The following MACROD2 variants were observed in gnomAD, a reference collection of about 807,000 sequenced individuals.
MACROD2 encodes ADP-ribose glycohydrolase MACROD2.
A neutral mutation model predicts 70.4 loss-of-function variants in MACROD2; 36 were observed. The ratio of observed to expected loss-of-function variants is 0.51; its 90% CI spans 0.39 to 0.68. The LOEUF (loss-of-function observed/expected upper bound fraction) is 0.68. MACROD2 is among the 30% of genes least tolerant of loss of function. MACROD2 has a pLI of 0.00. For missense variants in MACROD2, 496 were observed against 538.4 expected, an observed-to-expected ratio of 0.92 and a Z score of 0.78; for synonymous variants, 172 against 178.8, an observed-to-expected ratio of 0.96 and a Z score of 0.30.
intron 5 of MACROD2, among the ~76,000 whole-genome samples, chr20:14,980,175 G>A (rs1209208723): frequency 2.6e-5 from 4 of 151,972 alleles, no homozygotes; most frequent in African/African-American, 2.4e-5. Context: ...TGAGAGATGG[G>A]GCCTTAAAAA....
intron 6 of MACROD2, among the ~76,000 whole-genome samples, chr20:15,398,360 G>A (rs1243265932): frequency 6.6e-6 from 1 of 152,158 alleles, no homozygotes; most frequent in Non-Finnish European, 1.5e-5. Flanking sequence ...TTATTAAGTA[G>A]TTTAGCTGGA....
chr20:15,518,072 G>A (rs1287983908), intron 8 of MACROD2, among the ~76,000 whole-genome samples: 1 of 152,260 alleles, frequency 6.6e-6, no homozygotes, highest in Admixed American at 6.5e-5. Context: ...GAGAGAACTT[G>A]CAGCATACAA....
At chr20:14,718,122 G>A (rs903062260) in intron 5 of MACROD2, among the ~76,000 whole-genome samples, 2 of 151,256 alleles carry the variant, frequency 1.3e-5, no homozygotes, top group Non-Finnish European at 2.9e-5. Context: ...GTGAAACCCC[G>A]TCTCTACAAA....
At chr20:14,920,515 G>A (rs2074148833) in intron 5 of MACROD2, among the ~76,000 whole-genome samples, 2 of 152,084 alleles carry the variant, frequency 1.3e-5, no homozygotes, top group Non-Finnish European at 1.5e-5. Flanking sequence ...TTTGAAGTGT[G>A]ATTTCTTTGC....
At chr20:15,554,621 T>TGCTTAGGA (rs1259528474) in intron 8 of MACROD2, among the ~76,000 whole-genome samples, 1 of 152,152 alleles carries the variant, frequency 6.6e-6, no homozygotes, top group Non-Finnish European at 1.5e-5. Flanking sequence ...ATAACTTGTA[T>TGCTTAGGA]GCTTAGGACT....
At chr20:16,004,527 T>C (rs984611220) in intron 15 of MACROD2, among the ~76,000 whole-genome samples, 1 of 152,232 alleles carries the variant, frequency 6.6e-6, no homozygotes, top group African/African-American at 2.4e-5. Flanking sequence ...TGAGGTCTGA[T>C]GGGAGTGGGT....
chr20:15,207,441 T>G (rs2076720156), intron 5 of MACROD2, among the ~76,000 whole-genome samples: 1 of 132,384 alleles, frequency 7.6e-6, no homozygotes, highest in Admixed American at 7.6e-5. Context: ...TTCTGGTTTT[T>G]TTTTTTTTTT....
chr20:14,946,858 T>G (rs1466960930), intron 5 of MACROD2, among the ~76,000 whole-genome samples: 6 of 152,186 alleles, frequency 3.9e-5, no homozygotes, highest in African/African-American at 1.2e-4. Flanking sequence ...AAGAAGTAGA[T>G]TCAATTTTGT....
chr20:15,951,352 A>AAAG (rs2065903252), intron 12 of MACROD2, among the ~76,000 whole-genome samples: 31 of 91,870 alleles, frequency 3.4e-4, no homozygotes, highest in Admixed American at 3.1e-3. Context: ...CACACACACA[A>AAAG]AGAGAGAGAG....
At chr20:15,481,831 G>C (rs1421883395) in intron 7 of MACROD2, among the ~76,000 whole-genome samples, 1 of 152,206 alleles carries the variant, frequency 6.6e-6, no homozygotes, top group Admixed American at 6.5e-5. Flanking sequence ...GACAGGGCTG[G>C]CTTCTGCCCT....
At chr20:14,795,930 G>A (rs1018042465) in intron 5 of MACROD2, among the ~76,000 whole-genome samples, 4 of 152,044 alleles carry the variant, frequency 2.6e-5, no homozygotes, top group Non-Finnish European at 4.4e-5. Flanking sequence ...GGAGCCAATC[G>A]AACTTGCAGA....
chr20:15,096,691 T>C (rs2075835172), intron 5 of MACROD2, among the ~76,000 whole-genome samples: 1 of 151,636 alleles, frequency 6.6e-6, no homozygotes, highest in African/African-American at 2.4e-5. Context: ...TTTATATTTT[T>C]AGTAGAAACA....
chr20:14,746,298 ATTC>A (rs1281893199), intron 5 of MACROD2, among the ~76,000 whole-genome samples: 15 of 152,300 alleles, frequency 9.8e-5, no homozygotes, highest in African/African-American at 3.4e-4. Flanking sequence ...AGGCAAATAT[ATTC>A]TCCTTCAGAG....
intron 3 of MACROD2, among the ~76,000 whole-genome samples, chr20:14,175,421 G>T (rs1601313589): frequency 6.6e-6 from 1 of 152,064 alleles, no homozygotes; most frequent in Admixed American, 6.6e-5. Context: ...CTATGATTAG[G>T]TTTTATTTTG....
intron 8 of MACROD2, among the ~76,000 whole-genome samples, chr20:15,633,222 T>G (rs2049317334): frequency 6.6e-6 from 1 of 152,068 alleles, no homozygotes. Flanking sequence ...AGGACTAGTT[T>G]TTTTTTTATT....
chr20:15,986,841 G>GAA (rs2066490951), intron 14 of MACROD2, 40 bp downstream of exon 14: 1 of 1,484,040 alleles, frequency 6.7e-7, no homozygotes, highest in Non-Finnish European at 9.4e-7. Context: ...AGAATGAGAT[G>GAA]AAACTGTGAA....
At chr20:14,481,517 A>G (rs1600285844) in intron 3 of MACROD2, among the ~76,000 whole-genome samples, 1 of 152,208 alleles carries the variant, frequency 6.6e-6, no homozygotes, top group South Asian at 2.1e-4. Context: ...TGTATGATGT[A>G]TGTAAATGCT....
Position 14,502,475 on chromosome 20 carries a change from T to A in MACROD2, c.301+8967T>A, listed in dbSNP as rs117795416. Among the ~76,000 whole-genome samples, 103 of 152,196 alleles carry A rather than the reference T, an allele frequency of 6.8e-4. No individual in the cohort carries two copies. The East Asian group carries it at 0.017, about 26-fold the overall frequency. On this transcript the variant is annotated intron_variant, in intron 4 of 17. Transcript: ENST00000684519. Reference sequence around the variant, plus strand: ...CAAAAGTCATTATTTTTTTAATGAGTTAGGACAAATTTATTGTTTTGTATA... The same window carrying A: ...CAAAAGTCATTATTTTTTTAATGAGATAGGACAAATTTATTGTTTTGTATA...
At chr20:15,191,945 G>GAGAGATAT (rs1555791172) in intron 5 of MACROD2, among the ~76,000 whole-genome samples, 1 of 132,088 alleles carries the variant, frequency 7.6e-6, no homozygotes, top group African/African-American at 2.8e-5. Flanking sequence ...GAGAGAGAGA[G>GAGAGATAT]TTAATACATA....
Sources: allele counts gnomAD v4.1 joint callset (sites outside exome capture counted in the v4.1 genomes callset), GRCh38; gene constraint gnomAD v4.1.1; transcripts MANE v1.5; gene names NCBI Gene and HGNC (gene_info 2026-07-23, HGNC 2026-07-21).